GLRA2: variants seen among roughly 807,000 people sequenced by gnomAD.
GLRA2 encodes the protein glycine receptor alpha 2, also known as glycine receptor subunit alpha-2.
GLRA2 carries 11 observed loss-of-function variants against 31.6 expected under a neutral mutation model. The ratio of observed to expected loss-of-function variants is 0.35; its 90% CI spans 0.22 to 0.58. The LOEUF (loss-of-function observed/expected upper bound fraction) is 0.58. Among genes scored for constraint, GLRA2 ranks in the 20% least tolerant of loss-of-function variants. GLRA2 has a pLI of 0.84. For missense variants in GLRA2, 212 were observed against 351.8 expected (o/e 0.60, Z 3.18); for synonymous variants, 132 against 134.0 (o/e 0.99, Z 0.10).
the GLRA2 span, among the ~76,000 whole-genome samples, chrX:14,518,353 G>A: frequency 3.6e-5 from 4 of 111,936 alleles, no homozygotes; most frequent in African/African-American, 1.3e-4. Context: ...AGGACCCAAT[G>A]GTTCTTCCTC....
the GLRA2 span, among the ~76,000 whole-genome samples, chrX:14,500,606 T>A: frequency 8.9e-6 from 1 of 111,969 alleles, no homozygotes; most frequent in South Asian, 3.7e-4. Context: ...GGAAGCTAGT[T>A]GTCCACCTTT....
chrX:14,530,155 T>A, intron 1 of GLRA2, 30 bp downstream of exon 1: 1 of 871,765 alleles, frequency 1.1e-6, no homozygotes, highest in South Asian at 2.0e-5. Context: ...ATGTTGATAT[T>A]TAAATTGTTT....
At chrX:14,492,935 G>A in the GLRA2 span, among the ~76,000 whole-genome samples, 1 of 111,337 alleles carries the variant, frequency 9.0e-6, no homozygotes, top group African/African-American at 3.3e-5. Flanking sequence ...GTTCTCCCAA[G>A]GGGATGAATA....
the GLRA2 span, among the ~76,000 whole-genome samples, chrX:14,478,728 T>A: frequency 8.9e-6 from 1 of 112,440 alleles, no homozygotes; most frequent in African/African-American, 3.2e-5. Flanking sequence ...TTTGTCACTA[T>A]GGTGATAATT....
intron 8 of GLRA2, among the ~76,000 whole-genome samples, chrX:14,716,744 G>C (rs1323831184): frequency 9.0e-6 from 1 of 111,384 alleles, no homozygotes; most frequent in East Asian, 2.8e-4. Flanking sequence ...AAAACCCAGA[G>C]TCCTTGGGCA....
chrX:14,676,377 T>A (rs991205609), intron 7 of GLRA2, among the ~76,000 whole-genome samples: 1 of 112,531 alleles, frequency 8.9e-6, no homozygotes, highest in African/African-American at 3.2e-5. Flanking sequence ...CCTATGAATT[T>A]CATTTTGTTT....
At chrX:14,472,124 C>T in the GLRA2 span, among the ~76,000 whole-genome samples, 1 of 111,986 alleles carries the variant, frequency 8.9e-6, no homozygotes, top group South Asian at 3.7e-4. Flanking sequence ...GAATAGGTGA[C>T]CAGATCAACT....
At chrX:14,555,310 A>C (rs981273518) in intron 2 of GLRA2, among the ~76,000 whole-genome samples, 1 of 112,160 alleles carries the variant, frequency 8.9e-6, no homozygotes, top group Non-Finnish European at 1.9e-5. Flanking sequence ...CTCCCAATGA[A>C]CTTGAGAGTT....
chrX:14,555,901 A>G (rs1002910836), intron 2 of GLRA2, among the ~76,000 whole-genome samples: 1 of 111,766 alleles, frequency 8.9e-6, no homozygotes, highest in African/African-American at 3.3e-5. Flanking sequence ...GCTCAGTACT[A>G]TATTAAGTGC....
At chrX:14,533,106 G>A (rs1254234607) in intron 2 of GLRA2, among the ~76,000 whole-genome samples, 2 of 110,569 alleles carry the variant, frequency 1.8e-5, no homozygotes, top group Non-Finnish European at 3.8e-5. Context: ...AAAAGAATAA[G>A]AATCAATTAC....
At chrX:14,493,866 T>C in the GLRA2 span, among the ~76,000 whole-genome samples, 1 of 107,505 alleles carries the variant, frequency 9.3e-6, no homozygotes, top group Non-Finnish European at 1.9e-5. Context: ...CATATAATTA[T>C]TCACTAAAGG....
At chrX:14,476,797 A>G in the GLRA2 span, among the ~76,000 whole-genome samples, 1 of 112,110 alleles carries the variant, frequency 8.9e-6, no homozygotes, top group Non-Finnish European at 1.9e-5. Flanking sequence ...CTTTTGTTCT[A>G]GCCATTCTAT....
chrX:14,558,676 C>T (rs1480824934), intron 2 of GLRA2, among the ~76,000 whole-genome samples: 1 of 111,963 alleles, frequency 8.9e-6, no homozygotes, highest in African/African-American at 3.2e-5. Flanking sequence ...TGACATGTAT[C>T]TGAGCCATGT....
chrX:14,587,905 AT>A (rs143523144), intron 4 of GLRA2, among the ~76,000 whole-genome samples: 1,141 of 98,267 alleles, frequency 0.012, 24 homozygotes, highest in African/African-American at 0.032. Flanking sequence ...TCTGTCTAGG[AT>A]TTTTTTTTTT....
At chrX:14,549,430 C>T (rs906688509) in intron 2 of GLRA2, among the ~76,000 whole-genome samples, 1 of 111,496 alleles carries the variant, frequency 9.0e-6, no homozygotes, top group Admixed American at 9.5e-5. Context: ...AAGAAGATAA[C>T]TCAAGATACC....
At chrX:14,457,449 G>C in the GLRA2 span, among the ~76,000 whole-genome samples, 1 of 109,990 alleles carries the variant, frequency 9.1e-6, no homozygotes, top group African/African-American at 3.3e-5. Flanking sequence ...AACATGCAGT[G>C]TTTGGTTTTC....
chrX:14,623,552 A>G (rs2090548002), intron 7 of GLRA2, among the ~76,000 whole-genome samples: 1 of 111,697 alleles, frequency 9.0e-6, no homozygotes, highest in South Asian at 3.8e-4. Context: ...GAGAGTTTTT[A>G]GCATGAAGGG....
intron 4 of GLRA2, among the ~76,000 whole-genome samples, chrX:14,595,763 AC>A (rs1223762267): frequency 8.9e-6 from 1 of 111,753 alleles, no homozygotes; most frequent in African/African-American, 3.3e-5. Flanking sequence ...AAGGTCCTTT[AC>A]TTGATTCTGT....
intron 2 of GLRA2, among the ~76,000 whole-genome samples, chrX:14,543,534 A>T (rs998311545): frequency 5.4e-5 from 6 of 111,273 alleles, no homozygotes; most frequent in Non-Finnish European, 1.1e-4. Flanking sequence ...TTATGAGGAG[A>T]TTACTGAAGA....
Sources: gnomAD v4.1 joint callset for allele counts (sites outside exome capture counted in the v4.1 genomes callset) on GRCh38, gnomAD v4.1.1 for gene constraint, MANE v1.5 for transcripts, NCBI Gene and HGNC (gene_info 2026-07-23, HGNC 2026-07-21) for gene names.